IGSF9B: variants seen among roughly 807,000 people sequenced by gnomAD.
The protein encoded by IGSF9B is protein turtle homolog B.
Under a neutral mutation model 143.7 loss-of-function variants are expected in IGSF9B, and 48 were observed. The ratio of observed to expected loss-of-function variants is 0.33; its 90% CI spans 0.26 to 0.42. IGSF9B has a LOEUF of 0.42. Ranked by LOEUF, IGSF9B falls within the 20% of genes least tolerant of loss-of-function variation. The pLI is 1.00. For synonymous variants in IGSF9B, 903 were observed against 833.1 expected, an observed-to-expected ratio of 1.08 and a Z score of -1.44; for missense variants, 1,706 against 1,980.0, an observed-to-expected ratio of 0.86 and a Z score of 2.63.
intron 1 of IGSF9B, among the ~76,000 whole-genome samples, chr11:133,949,218 A>G (rs545156159): frequency 6.6e-6 from 1 of 152,304 alleles, no homozygotes; most frequent in Admixed American, 6.5e-5. Context: ...AGAATAAAGC[A>G]GTGGTGTGGG....
Position 133,956,685 on chromosome 11 carries a change from A to C in IGSF9B, c.64+6T>G. ...GGCAGGGGAGGGACGCCGCACTTCA[A>C]CTCACCTTCAGCCGCAAGCCCTCGG... On this transcript the variant is annotated splice_donor_region_variant and intron_variant, in intron 1 of 19. Coordinates refer to ENST00000533871, the MANE Select transcript of IGSF9B (RefSeq NM_001277285.4). 3 of 1,539,136 alleles carry C rather than the reference A, an allele frequency of 1.9e-6. No individual in the cohort carries two copies. The highest frequency in any genetic ancestry group is 2.6e-6 in the Non-Finnish European group (3 of 1,143,368).
chr11:133,947,708 TTC>T (rs112387633), intron 1 of IGSF9B, among the ~76,000 whole-genome samples: 2,365 of 134,856 alleles, frequency 0.018, 32 homozygotes, highest in South Asian at 0.051. Context: ...TCTGTGTTTG[TTC>T]TCTCTCTCTC....
chr11:133,910,338 G>A (rs1939282394), intron 19 of IGSF9B, among the ~76,000 whole-genome samples: 1 of 152,188 alleles, frequency 6.6e-6, no homozygotes, highest in African/African-American at 2.4e-5. Context: ...CACCAGCCAC[G>A]AGGTACTGCA....
Position 133,927,057 on chromosome 11 carries a change from G to T in IGSF9B, c.1666C>A (p.Leu556Met). The T allele has an allele frequency of 6.4e-7, 1 of 1,561,952 alleles. No individual in the cohort carries two copies. The highest frequency in any genetic ancestry group is 2.4e-5 in the East Asian group (1 of 41,658). Residue 556 changes from leucine to methionine, a missense_variant, in exon 13 of 20, where the codon CTG (leucine) becomes ATG (methionine). Around this residue, in one of 7 missense-constraint regions of IGSF9B, gnomAD observed 267 missense variants for 321.1 expected, o/e 0.83. Transcript: ENST00000533871. ...KRAQFGPHDW[L>M]SLPVPPGPSW... ...GGTCCTGGCGGCACTGGCAAGGACA[G>T]CCAGTCATGGGGCCCAAACTGTGCC...
rs1939118590 is a variant in IGSF9B at position 133,901,514 on chromosome 11, C to G, written c.*7555G>C. 1 of 152,334 alleles carries G rather than the reference C, an allele frequency of 6.6e-6. No homozygotes were observed. Among genetic ancestry groups the G allele is most frequent in the Non-Finnish European group, 1.5e-5 (1 of 68,042 alleles). The allele number at this position is 152,334 out of a possible 1,614,324, so 9.4% of individuals were successfully genotyped here. On this transcript the variant is annotated 3_prime_UTR_variant, in exon 20 of 20. Transcript: ENST00000533871. ...TCATCTCTTGCCCTCCCGCTCCCCA[C>G]ACCCGAGTGCCACTCGCCCGAAGCT...
chr11:133,919,129 T>TAGGGGGGGGGGGGGG, intron 18 of IGSF9B: 1 of 174,380 alleles, frequency 5.7e-6, no homozygotes, highest in South Asian at 4.1e-5. Context: ...GGGGGGGGGG[T>TAGGGGGGGGGGGGGG]GGGGGACGTG....
intron 18 of IGSF9B, among the ~76,000 whole-genome samples, chr11:133,916,863 G>A (rs1174003269): frequency 5.9e-5 from 9 of 152,246 alleles, no homozygotes; most frequent in African/African-American, 2.2e-4. Flanking sequence ...GAAGACCAGT[G>A]GGTCTCTGGG....
At chr11:133,946,431 G>C (rs1358255733) in intron 1 of IGSF9B, 173 bp from the exon 2 acceptor site, 3 of 614,342 alleles carry the variant, frequency 4.9e-6, no homozygotes, top group South Asian at 3.9e-5. Flanking sequence ...CCCCCTCGCT[G>C]CTCATACCTC....
At position 133,931,589 on chromosome 11, in the gene IGSF9B, C is replaced by A. The variant is rs751812874; in HGVS notation, c.1252-20G>T. The A allele has an allele frequency of 6.2e-7, 1 of 1,611,490 alleles. No individual in the cohort carries two copies. The highest frequency in any genetic ancestry group is 8.5e-7 in the Non-Finnish European group (1 of 1,178,524). On this transcript the variant is annotated intron_variant, in intron 9 of 19. Transcript: ENST00000533871. The surrounding 1 kb of genome is among the most constrained non-coding windows in gnomAD (Gnocchi z 7.7). ...GGGGTCCTGGGGAGGAAAGCACAGG[C>A]ACCCTCGTGAGGCCGGGGATCCAGG...
At chr11:133,911,437 G>A (rs1281864350) in intron 19 of IGSF9B, among the ~76,000 whole-genome samples, 1 of 152,196 alleles carries the variant, frequency 6.6e-6, no homozygotes, top group African/African-American at 2.4e-5. Context: ...GGCCTGAAAT[G>A]ATAGAGGGGA....
At chr11:133,938,355 G>A (rs549936301) in intron 3 of IGSF9B, among the ~76,000 whole-genome samples, 9 of 152,252 alleles carry the variant, frequency 5.9e-5, no homozygotes, top group East Asian at 3.9e-4. Flanking sequence ...AGGCCCCCGC[G>A]TTTCCAGGAC....
In IGSF9B at chr11:133,920,586, A is replaced by G; in HGVS notation, c.3139T>C (p.Phe1047Leu). 1.2e-6 allele frequency: 2 copies of G among 1,613,312 alleles called. No homozygotes were observed. Among genetic ancestry groups the G allele is most frequent in the African/African-American group, 1.3e-5 (1 of 75,026 alleles). Residue 1047 changes from phenylalanine to leucine, a missense_variant, in exon 18 of 20, where the codon TTC becomes CTC. Coordinates refer to ENST00000533871, the MANE Select transcript of IGSF9B (RefSeq NM_001277285.4). ...ATCGCTGGGGTCTCCAGCCCCCCGA[A>G]GGGGAATTCTGGCCGGCCCCAGGGC... is the stretch of plus-strand genomic sequence containing the variant. ...PEPWGRPEFP[F>L]GGLETPAMMF... is the part of the protein sequence containing the mutation.
In IGSF9B at chr11:133,921,279, C is replaced by T; in HGVS notation, c.2446G>A (p.Glu816Lys). The T allele has an allele frequency of 6.2e-7, 1 of 1,611,280 alleles. No individual in the cohort carries two copies. Among genetic ancestry groups the T allele is most frequent in the Non-Finnish European group, 8.5e-7 (1 of 1,178,982 alleles). The part of the protein sequence containing the change: ...KRMLSPTREK[E>K]LSLYKKTKRA... ...TTGGTCTTCTTGTACAGCGACAGCT[C>T]CTTCTCACGGGTGGGGCTCAGCATC... is the stretch of plus-strand genomic sequence containing the variant. Residue 816 changes from glutamate (E) to lysine (K), a missense_variant, in exon 18 of 20, where the codon GAG becomes AAG. This residue lies in a region of IGSF9B where 135 missense variants were observed against 181.3 expected (regional missense o/e 0.74). Coordinates refer to ENST00000533871, the MANE Select transcript of IGSF9B (RefSeq NM_001277285.4).
intron 1 of IGSF9B, among the ~76,000 whole-genome samples, chr11:133,950,761 G>A (rs1940143413): frequency 6.6e-6 from 1 of 152,178 alleles, no homozygotes; most frequent in African/African-American, 2.4e-5. Context: ...CTGGCCTTCT[G>A]CCTGAGACTC....
rs1346383079 is a variant in IGSF9B, at chr11:133,931,859, G to A, written c.1111-64C>T. 6.3e-7 allele frequency: 1 copy of A among 1,587,266 alleles called. No homozygotes were observed. Among genetic ancestry groups the A allele is most frequent in the Non-Finnish European group, 8.5e-7 (1 of 1,170,446 alleles). ...GAGACTCCGCGCTCCATCCCAGGCT[G>A]GGTCCCAGCTGGGCCAGGCAGCACG... On this transcript the variant is annotated intron_variant, in intron 8 of 19. Transcript: ENST00000533871. This position sits in a 1 kb window ranked among gnomAD's most constrained non-coding sequence, Gnocchi z 7.7.
intron 1 of IGSF9B, 52 bp downstream of exon 1, chr11:133,956,638 AG>A: frequency 8.0e-7 from 1 of 1,256,528 alleles, no homozygotes; most frequent in African/African-American, 1.6e-5. Context: ...GCCGGGCGCG[AG>A]GGGCCGAGGG....
chr11:133,926,043 C>G, intron 13 of IGSF9B, 78 bp from the exon 14 acceptor site: 1 of 1,063,054 alleles, frequency 9.4e-7, no homozygotes, highest in Non-Finnish European at 1.4e-6. Context: ...CACTCCTGTG[C>G]ACATGTCAGG....
chr11:133,938,432 T>G (rs1939865293), intron 3 of IGSF9B, among the ~76,000 whole-genome samples: 1 of 152,142 alleles, frequency 6.6e-6, no homozygotes, highest in East Asian at 1.9e-4. Flanking sequence ...AACCTCATTT[T>G]CCCAGATTCT....
At position 133,921,363 on chromosome 11, in the gene IGSF9B, G is replaced by A. The variant is rs376908469; in HGVS notation, c.2362C>T (p.Arg788Cys). 4.5e-6 allele frequency: 7 copies of A among 1,554,514 alleles called. No individual in the cohort carries two copies. Among genetic ancestry groups the A allele is most frequent in the Non-Finnish European group, 5.2e-6 (6 of 1,150,334 alleles). Residue 788 changes from arginine to cysteine, a missense_variant, in exon 18 of 20, where the codon CGC becomes TGC. Transcript: ENST00000533871. ...SSGKVSPESI[R>C]TLRAPSESSD... ...GATTCTGACGGCGCTCGGAGCGTGC[G>A]GATGCTCTCGGGGCTCACCTTGCCA...
Sources: allele counts gnomAD v4.1 joint callset (sites outside exome capture counted in the v4.1 genomes callset), GRCh38; gene constraint gnomAD v4.1.1; regional missense constraint gnomAD v4.1.1; non-coding constraint Gnocchi (gnomAD v3.1); transcripts MANE v1.5; gene names NCBI Gene and HGNC (gene_info 2026-07-23, HGNC 2026-07-21).